Variants in C11orf91 observed in about 807,000 individuals in gnomAD.
The protein encoded by C11orf91 is uncharacterized protein C11orf91.
C11orf91 carries 10 observed loss-of-function variants against 14.3 expected under a neutral mutation model. That is an observed-to-expected ratio of 0.70 (90% confidence interval 0.43 to 1.18). The LOEUF (loss-of-function observed/expected upper bound fraction) is 1.18, where lower values mean the gene tolerates loss of function less well. C11orf91 is among the 50% of genes most tolerant of loss of function. The pLI is 0.00. For synonymous variants in C11orf91, 141 were observed against 130.6 expected (o/e 1.08, Z -0.54); for missense variants, 236 against 269.0 (o/e 0.88, Z 0.86).
chr11:33,704,578 T>C (rs1020783328), upstream of C11orf91: 1 of 152,198 alleles, frequency 6.6e-6, no homozygotes, highest in Non-Finnish European at 1.5e-5. Flanking sequence ...GCACTTGTCT[T>C]AACTCATTTA....
upstream of C11orf91, among the ~76,000 whole-genome samples, chr11:33,701,142 C>T (rs998451820): frequency 6.6e-6 from 1 of 152,236 alleles, no homozygotes; most frequent in South Asian, 2.1e-4. Flanking sequence ...CTCTTTCTCC[C>T]ATGAGGGAGA....
Position 33,700,325 on chromosome 11 carries a change from T to C in C11orf91, c.416A>G (p.Glu139Gly). The stretch of plus-strand genomic sequence containing the variant: ...CCGGATCTCCAGCTCGCAGAGCTCC[T>C]CCGGGTGGGAGGCAGAGGCGAGCCT... The part of the protein sequence containing the change: ...TPRLASASHP[E>G]ELCELEIRIK... The change falls in exon 1 of 2, where the codon GAG becomes GGG. Residue 139 changes from glutamate to glycine, a missense_variant. Coordinates refer to ENST00000379011, the MANE Select transcript of C11orf91 (RefSeq NM_001166692.2). 1 of 1,535,050 alleles carries C rather than the reference T, an allele frequency of 6.5e-7. No individual in the cohort carries two copies. The highest frequency in any genetic ancestry group is 8.7e-7 in the Non-Finnish European group (1 of 1,146,550).
At chr11:33,706,036 CAGAA>C in the C11orf91 span, 1 of 152,108 alleles carries the variant, frequency 6.6e-6, no homozygotes, top group African/African-American at 2.4e-5. Context: ...AAACCGATCA[CAGAA>C]AGGCAGCTCA....
At position 33,700,433 on chromosome 11, in the gene C11orf91, T is replaced by C. The variant is rs1853102700; in HGVS notation, c.308A>G (p.Tyr103Cys). 1.3e-6 allele frequency: 2 copies of C among 1,506,884 alleles called. No individual in the cohort carries two copies. Among genetic ancestry groups the C allele is most frequent in the Admixed American group, 2.0e-5 (1 of 48,902 alleles). 93.3% of individuals were successfully genotyped at this position (1,506,884 alleles called of 1,614,324 possible). A position where few individuals can be genotyped will look rare whatever the true frequency, so the allele number is the denominator to read the frequency against. ...TGAGTAGAAGAAGCGCAGAGGCTCG[T>C]AGGGGATGGAGGCCAGGCCGGAGGG... The part of the protein sequence containing the change: ...PWPSGLASIP[Y>C]EPLRFFYSPP... Residue 103 changes from tyrosine (Y) to cysteine (C), a missense_variant, in exon 1 of 2, where the codon TAC (tyrosine) becomes TGC (cysteine). Tyr to Cys is a radical substitution (Grantham distance 194, BLOSUM62 -2). Coordinates refer to ENST00000379011, the MANE Select transcript of C11orf91 (RefSeq NM_001166692.2).
At chr11:33,706,174 C>T in the C11orf91 span, 1 of 152,076 alleles carries the variant, frequency 6.6e-6, no homozygotes, top group Non-Finnish European at 1.5e-5. Context: ...AATGTCCTTA[C>T]CTACAATGAA....
In C11orf91 at chr11:33,700,566, C is replaced by A; in HGVS notation, c.175G>T (p.Ala59Ser). 1 of 1,450,736 alleles carries A rather than the reference C, an allele frequency of 6.9e-7. No individual in the cohort carries two copies. The highest frequency in any genetic ancestry group is 9.0e-7 in the Non-Finnish European group (1 of 1,105,312). The allele number at this position is 1,450,736 out of a possible 1,614,324, so 89.9% of individuals were successfully genotyped here. Reference protein sequence around the residue: ...LKAGGAPVGGAAGARSLSQAL... With the variant: ...LKAGGAPVGGSAGARSLSQAL... The stretch of plus-strand genomic sequence containing the variant: ...TGGGACAGGGACCGGGCCCCCGCCG[C>A]CCCGCCCACTGGCGCCCCGCCCGCC... The change falls in exon 1 of 2, where the codon GCG becomes TCG. Residue 59 changes from alanine (A) to serine (S), a missense_variant. Coordinates refer to ENST00000379011, the MANE Select transcript of C11orf91 (RefSeq NM_001166692.2).
chr11:33,700,757 T>C lies in C11orf91; in HGVS notation c.-17A>G. The C allele has an allele frequency of 2.3e-6, 3 of 1,291,274 alleles. No homozygotes were observed. The highest frequency in any genetic ancestry group is 2.9e-6 in the Non-Finnish European group (3 of 1,019,608). The allele number at this position is 1,291,274 out of a possible 1,614,324, so 80.0% of individuals were successfully genotyped here. ...CTTTGGCATCGTTTGAATGAGGGTC[T>C]GCGTGGGAGGAACCCCGCGCCGGGA... On this transcript the variant is annotated 5_prime_UTR_variant, in exon 1 of 2. Coordinates refer to ENST00000379011, the MANE Select transcript of C11orf91 (RefSeq NM_001166692.2).
Position 33,700,603 on chromosome 11 carries a change from G to A in C11orf91, c.138C>T (p.Phe46=), listed in dbSNP as rs528712671. 2 of 1,465,074 alleles carry A rather than the reference G, an allele frequency of 1.4e-6. No individual in the cohort carries two copies. Among genetic ancestry groups the A allele is most frequent in the South Asian group, 1.3e-5 (1 of 75,876 alleles). 90.8% of individuals were successfully genotyped at this position (1,465,074 alleles called of 1,614,324 possible). Residue 46 remains phenylalanine, a synonymous_variant, in exon 1 of 2, where the codon TTC becomes TTT. Coordinates refer to ENST00000379011, the MANE Select transcript of C11orf91 (RefSeq NM_001166692.2). ...GCGCCCCGCCCGCCTTCAGCGGCACGAAGAGCTTCTTCCAGATGTTGAAGT... is the reference window on the plus strand; with the variant it reads ...GCGCCCCGCCCGCCTTCAGCGGCACAAAGAGCTTCTTCCAGATGTTGAAGT... ...LSDFNIWKKL[F]VPLKAGGAPV...
At chr11:33,699,063 A>G (rs1274168850) in intron 1 of C11orf91, among the ~76,000 whole-genome samples, 1 of 152,006 alleles carries the variant, frequency 6.6e-6, no homozygotes, top group Non-Finnish European at 1.5e-5. Context: ...GCCCCCCCAA[A>G]GTGCTGAGAT....
chr11:33,698,489 G>A lies in C11orf91; in HGVS notation c.522C>T (p.Asp174=), dbSNP rs1225996318. 1.1e-5 allele frequency: 17 copies of A among 1,537,392 alleles called. No homozygotes were observed. Among genetic ancestry groups the A allele is most frequent in the Admixed American group, 7.8e-5 (4 of 50,990 alleles). ...TGGTCTTCAGTCCTTGTAACTTTTC[G>A]TCTTTTAGCGCCTTCAGGAATGTGT... is the stretch of plus-strand genomic sequence containing the variant. ...QSYTFLKALK[D]EKLQGLKTKQ... The change falls in exon 2 of 2, where the codon GAC becomes GAT. Residue 174 remains aspartate (D), a synonymous_variant. Transcript: ENST00000379011.
rs1347958713 is a variant in C11orf91 at position 33,699,761 on chromosome 11, T to C, written c.496+484A>G. 4 of 391,940 alleles carry C rather than the reference T, an allele frequency of 1.0e-5. No individual in the cohort carries two copies. In the East Asian group the frequency reaches 2.9e-4, roughly 28 times the overall value. The allele number at this position is 391,940 out of a possible 1,614,324, so 24.3% of individuals were successfully genotyped here. ...GCTGCCCTGGAAACGGCCTTGGGCC[T>C]TGTGGTTCTTGCACAACTCCCACCT... On this transcript the variant is annotated intron_variant, in intron 1 of 1. Coordinates refer to ENST00000379011, the MANE Select transcript of C11orf91 (RefSeq NM_001166692.2).
upstream of C11orf91, among the ~76,000 whole-genome samples, chr11:33,701,679 A>C (rs188668481): frequency 2.6e-5 from 4 of 152,184 alleles, no homozygotes; most frequent in East Asian, 7.7e-4. Context: ...TGATGGGTGG[A>C]GGGCAGTTAA....
At chr11:33,701,754 A>AGT (rs35903408), upstream of C11orf91, among the ~76,000 whole-genome samples, 9,562 of 148,940 alleles carry the variant, frequency 0.064, 319 homozygotes, top group African/African-American at 0.081. Flanking sequence ...CACAGTGCAA[A>AGT]GTGTGTGTGT....
At chr11:33,699,369 C>T (rs896665785) in intron 1 of C11orf91, among the ~76,000 whole-genome samples, 1 of 152,132 alleles carries the variant, frequency 6.6e-6, no homozygotes, top group African/African-American at 2.4e-5. Flanking sequence ...CCGTTATATA[C>T]GATAGTTGGA....
chr11:33,705,738 C>T (rs1853283101), upstream of C11orf91: 1 of 152,194 alleles, frequency 6.6e-6, no homozygotes, highest in African/African-American at 2.4e-5. Flanking sequence ...TCCCTAATAA[C>T]CTCCCTTTCA....
chr11:33,701,024 G>A (rs1398899761), upstream of C11orf91, among the ~76,000 whole-genome samples: 4 of 152,180 alleles, frequency 2.6e-5, no homozygotes, highest in African/African-American at 9.6e-5. Flanking sequence ...CCACCGCCTC[G>A]CTCTTGCTCT....
intron 1 of C11orf91, among the ~76,000 whole-genome samples, 177 bp from the exon 2 acceptor site, chr11:33,698,691 G>T (rs539836305): frequency 2.0e-5 from 3 of 151,696 alleles, no homozygotes; most frequent in Non-Finnish European, 4.4e-5. Context: ...ACATGTAACT[G>T]GTTCTGACTG....
intron 1 of C11orf91, among the ~76,000 whole-genome samples, chr11:33,698,803 G>T: frequency 7.7e-6 from 1 of 130,646 alleles, no homozygotes; most frequent in Non-Finnish European, 1.6e-5. Context: ...TTTTTTGAGA[G>T]GGAGTCTCAC....
At chr11:33,703,736 G>A (rs1853192518), upstream of C11orf91, 1 of 152,134 alleles carries the variant, frequency 6.6e-6, no homozygotes. Flanking sequence ...GGACAGGACT[G>A]ATTCTTCCTC....
Sources: allele counts gnomAD v4.1 joint callset (sites outside exome capture counted in the v4.1 genomes callset), GRCh38; gene constraint gnomAD v4.1.1; transcripts MANE v1.5; gene names NCBI Gene and HGNC (gene_info 2026-07-23, HGNC 2026-07-21).